The following GFRA1 variants were observed in gnomAD, a reference collection of about 807,000 sequenced individuals.
The protein encoded by GFRA1 is GDNF family receptor alpha 1.
Under a neutral mutation model 51.6 loss-of-function variants are expected in GFRA1, and 16 were observed. The ratio of observed to expected loss-of-function variants is 0.31; its 90% CI spans 0.21 to 0.47. GFRA1 has a LOEUF of 0.47. Ranked by LOEUF, GFRA1 falls within the 20% of genes least tolerant of loss-of-function variation. The probability of loss-of-function intolerance (pLI) is 1.00; values close to 1 mark genes in which losing one functional copy is unlikely to be tolerated. For missense variants in GFRA1, 530 were observed against 594.3 expected (o/e 0.89, Z 1.13); for synonymous variants, 270 against 241.3 (o/e 1.12, Z -1.10).
chr10:116,193,214 G>C lies in GFRA1; in HGVS notation c.433+18417C>G, dbSNP rs1243928979. On this transcript the variant is annotated intron_variant, in intron 5 of 10. Coordinates refer to ENST00000355422, the MANE Select transcript of GFRA1 (RefSeq NM_005264.8). ...CAATTATGTTGCTGCAGTCATAACAGCCATTTCTGCAAACAGCGGGTTTGG... is the reference window on the plus strand; with the variant it reads ...CAATTATGTTGCTGCAGTCATAACACCCATTTCTGCAAACAGCGGGTTTGG... Among the ~76,000 whole-genome samples, 5 of 152,088 alleles carry C rather than the reference G, an allele frequency of 3.3e-5. 1 individual carries two copies. The highest frequency in any genetic ancestry group is 3.3e-4 in the Admixed American group (5 of 15,264).
chr10:116,261,466 C>T (rs1394750200), intron 4 of GFRA1, among the ~76,000 whole-genome samples: 1 of 152,180 alleles, frequency 6.6e-6, no homozygotes, highest in African/African-American at 2.4e-5. Context: ...ATGTATTTGT[C>T]TACTGAGCTC....
chr10:116,244,993 ATAGT>A (rs1475528377), intron 4 of GFRA1, among the ~76,000 whole-genome samples: 2 of 152,226 alleles, frequency 1.3e-5, no homozygotes, highest in Non-Finnish European at 2.9e-5. Flanking sequence ...TAAAGAAACA[ATAGT>A]TAGACATTCT....
At chr10:116,216,858 T>C (rs537592045) in intron 4 of GFRA1, among the ~76,000 whole-genome samples, 2 of 152,300 alleles carry the variant, frequency 1.3e-5, no homozygotes, top group South Asian at 4.1e-4. Context: ...CTGGAATGAA[T>C]GTGGTTTTCT....
intron 4 of GFRA1, among the ~76,000 whole-genome samples, chr10:116,235,764 C>T (rs1275850763): frequency 6.6e-6 from 1 of 151,982 alleles, no homozygotes; most frequent in Non-Finnish European, 1.5e-5. Flanking sequence ...AGGGTGTGGC[C>T]GTCAAGATTG....
chr10:116,068,197 G>C (rs1955204873), intron 9 of GFRA1, among the ~76,000 whole-genome samples: 1 of 152,182 alleles, frequency 6.6e-6, no homozygotes, highest in Non-Finnish European at 1.5e-5. Flanking sequence ...GCACTCCAGA[G>C]GCTTAGCAGT....
At chr10:116,122,011 G>A (rs1053232485) in intron 6 of GFRA1, among the ~76,000 whole-genome samples, 1 of 152,172 alleles carries the variant, frequency 6.6e-6, no homozygotes, top group East Asian at 1.9e-4. Flanking sequence ...CTGAGAGGGA[G>A]GGGGTAATCA....
intron 4 of GFRA1, among the ~76,000 whole-genome samples, chr10:116,227,388 T>C (rs940846683): frequency 2.6e-5 from 4 of 152,212 alleles, no homozygotes; most frequent in Non-Finnish European, 5.9e-5. Context: ...GATGAAGTAA[T>C]GTGGCCAGCG....
At chr10:116,199,275 C>T (rs540588402) in intron 5 of GFRA1, among the ~76,000 whole-genome samples, 18 of 152,228 alleles carry the variant, frequency 1.2e-4, no homozygotes, top group Non-Finnish European at 1.0e-4. Context: ...GCATTTTGGC[C>T]CTAAGCCTTC....
At chr10:116,145,242 GAAA>G (rs1021272634) in intron 5 of GFRA1, among the ~76,000 whole-genome samples, 3 of 150,586 alleles carry the variant, frequency 2.0e-5, no homozygotes, top group African/African-American at 7.3e-5. Flanking sequence ...CACAGACTAG[GAAA>G]AGATAGATGG....
chr10:116,253,168 T>C (rs1002690305), intron 4 of GFRA1, among the ~76,000 whole-genome samples: 2 of 152,152 alleles, frequency 1.3e-5, no homozygotes, highest in Non-Finnish European at 2.9e-5. Context: ...CCCAGGGGCC[T>C]TTGCCACATA....
intron 6 of GFRA1, among the ~76,000 whole-genome samples, chr10:116,112,349 C>T (rs977375882): frequency 2.0e-5 from 3 of 152,126 alleles, no homozygotes; most frequent in Admixed American, 6.5e-5. Flanking sequence ...TCCAGCTTGC[C>T]GGCTTTTCCG....
intron 8 of GFRA1, among the ~76,000 whole-genome samples, chr10:116,092,294 T>C (rs1264083134): frequency 6.6e-6 from 1 of 152,160 alleles, no homozygotes; most frequent in Admixed American, 6.5e-5. Flanking sequence ...CCCAAAGCAA[T>C]TGACTACAGC....
intron 5 of GFRA1, among the ~76,000 whole-genome samples, chr10:116,175,630 C>T (rs554201935): frequency 8.5e-5 from 13 of 152,186 alleles, no homozygotes; most frequent in African/African-American, 2.2e-4. Context: ...CCTCTACCAT[C>T]GTCAGGGTCC....
At chr10:116,183,673 T>G (rs1475113940) in intron 5 of GFRA1, among the ~76,000 whole-genome samples, 1 of 152,058 alleles carries the variant, frequency 6.6e-6, no homozygotes, top group Non-Finnish European at 1.5e-5. Context: ...TTGGGACACT[T>G]GGTCTTCTCT....
intron 5 of GFRA1, among the ~76,000 whole-genome samples, chr10:116,198,344 G>A (rs1964060191): frequency 6.6e-6 from 1 of 152,158 alleles, no homozygotes; most frequent in Non-Finnish European, 1.5e-5. Flanking sequence ...AACTGCACCT[G>A]CAATCCTTCA....
intron 5 of GFRA1, among the ~76,000 whole-genome samples, chr10:116,130,945 C>G (rs1958079461): frequency 6.6e-6 from 1 of 152,082 alleles, no homozygotes; most frequent in Non-Finnish European, 1.5e-5. Flanking sequence ...AAATTAAAAA[C>G]TTCTGGTCAC....
intron 9 of GFRA1, among the ~76,000 whole-genome samples, chr10:116,072,793 G>A (rs1481921439): frequency 6.6e-6 from 1 of 151,926 alleles, no homozygotes; most frequent in Non-Finnish European, 1.5e-5. Context: ...AAAAATAAAA[G>A]AGCACAGGTT....
intron 5 of GFRA1, among the ~76,000 whole-genome samples, chr10:116,134,916 C>T (rs1958259511): frequency 6.6e-6 from 1 of 152,172 alleles, no homozygotes; most frequent in African/African-American, 2.4e-5. Context: ...AAGTCACATG[C>T]TTGCTGCTGC....
At chr10:116,270,715 C>T (rs1426134866) in intron 3 of GFRA1, 107 bp downstream of exon 3, 6 of 913,636 alleles carry the variant, frequency 6.6e-6, no homozygotes, top group Non-Finnish European at 1.0e-5. Flanking sequence ...CCTCACTCTG[C>T]AGCTGGGGAG....
Sources: gnomAD v4.1 joint callset for allele counts (sites outside exome capture counted in the v4.1 genomes callset) on GRCh38, gnomAD v4.1.1 for gene constraint, MANE v1.5 for transcripts, NCBI Gene and HGNC (gene_info 2026-07-23, HGNC 2026-07-21) for gene names.